The following LRRC4C variants were observed in gnomAD, a reference collection of about 807,000 sequenced individuals.
LRRC4C encodes the protein leucine rich repeat containing 4C.
In LRRC4C, 5 loss-of-function variants were observed where a neutral mutation model predicts 33.6. That is an observed-to-expected ratio of 0.15 (90% CI 0.08 to 0.31). The LOEUF (loss-of-function observed/expected upper bound fraction) is 0.31. Among genes scored for constraint, LRRC4C ranks in the 10% least tolerant of loss-of-function variants. The probability of loss-of-function intolerance (pLI) is 1.00; values close to 1 mark genes in which losing one functional copy is unlikely to be tolerated. For synonymous variants in LRRC4C, 329 were observed against 302.0 expected (o/e 1.09, Z -0.93); for missense variants, 560 against 796.7 (o/e 0.70, Z 3.58).
At chr11:40,127,818 G>A (rs969671495) in intron 6 of LRRC4C, among the ~76,000 whole-genome samples, 4 of 152,134 alleles carry the variant, frequency 2.6e-5, no homozygotes, top group African/African-American at 7.2e-5. Context: ...ATATGGTCAC[G>A]TTAGAAAATA....
chr11:41,096,504 A>G (rs750384389), intron 1 of LRRC4C, among the ~76,000 whole-genome samples: 3 of 152,182 alleles, frequency 2.0e-5, no homozygotes, highest in Non-Finnish European at 4.4e-5. Context: ...TCTGGGGATA[A>G]TTGTTGAGAT....
At chr11:40,335,381 G>A (rs1946551866) in intron 3 of LRRC4C, among the ~76,000 whole-genome samples, 1 of 152,162 alleles carries the variant, frequency 6.6e-6, no homozygotes, top group Non-Finnish European at 1.5e-5. Context: ...CTCTCTTATT[G>A]AGATGTAAGA....
chr11:41,384,042 G>T (rs1307514906), intron 1 of LRRC4C, among the ~76,000 whole-genome samples: 1 of 151,690 alleles, frequency 6.6e-6, no homozygotes, highest in African/African-American at 2.4e-5. Flanking sequence ...TGTTTTTGTT[G>T]GTGTTATTTA....
intron 2 of LRRC4C, among the ~76,000 whole-genome samples, chr11:40,814,674 G>A (rs987056401): frequency 6.6e-5 from 10 of 150,930 alleles, no homozygotes; most frequent in Admixed American, 2.7e-4. Context: ...GCTTCATCTC[G>A]AATGCTTTGC....
intron 1 of LRRC4C, among the ~76,000 whole-genome samples, chr11:41,383,929 G>C (rs958428330): frequency 6.6e-6 from 1 of 151,940 alleles, no homozygotes; most frequent in African/African-American, 2.4e-5. Context: ...AACAAAGCTT[G>C]TGAAATGTTT....
chr11:40,630,869 A>C (rs943668829), intron 3 of LRRC4C, among the ~76,000 whole-genome samples: 1 of 152,168 alleles, frequency 6.6e-6, no homozygotes, highest in Non-Finnish European at 1.5e-5. Context: ...TTATGATATG[A>C]AATGTACTTT....
chr11:40,519,186 A>G (rs1048985890), intron 3 of LRRC4C, among the ~76,000 whole-genome samples: 1 of 152,202 alleles, frequency 6.6e-6, no homozygotes, highest in Admixed American at 6.5e-5. Flanking sequence ...ATGTGTATAC[A>G]TATGTAACAA....
chr11:40,730,851 A>AT (rs2136780446), intron 2 of LRRC4C, among the ~76,000 whole-genome samples: 1 of 152,152 alleles, frequency 6.6e-6, no homozygotes, highest in South Asian at 2.1e-4. Flanking sequence ...TATCATGTTT[A>AT]TTTTTTACTT....
At position 40,383,737 on chromosome 11, in the gene LRRC4C, T is replaced by C. The variant is rs550102608; in HGVS notation, c.-269-64016A>G. 7.3e-3 allele frequency among the ~76,000 whole-genome samples: 1,115 copies of C among 151,826 alleles called. 13 individuals carry two copies. Among genetic ancestry groups the C allele is most frequent in the African/African-American group, 0.025 (1,055 of 41,432 alleles). Reference sequence around the variant, plus strand: ...CAAGATCTCACTTTGTCACCCAGGGTGCAGTGACACTATCATGGCTCACTG... The same window carrying C: ...CAAGATCTCACTTTGTCACCCAGGGCGCAGTGACACTATCATGGCTCACTG... On this transcript the variant is annotated intron_variant, in intron 3 of 6. Transcript: ENST00000528697.
At chr11:40,826,396 G>C (rs748232020) in intron 2 of LRRC4C, among the ~76,000 whole-genome samples, 13 of 151,910 alleles carry the variant, frequency 8.6e-5, no homozygotes, top group Non-Finnish European at 1.8e-4. Flanking sequence ...GAGTCCTGAT[G>C]AGCTGCAGCT....
chr11:40,702,484 C>A (rs985246176), intron 2 of LRRC4C, among the ~76,000 whole-genome samples: 4 of 151,986 alleles, frequency 2.6e-5, no homozygotes, highest in Non-Finnish European at 4.4e-5. Flanking sequence ...AAAATTGCTA[C>A]CATTTGCTTT....
intron 3 of LRRC4C, among the ~76,000 whole-genome samples, chr11:40,385,326 G>C (rs1949061487): frequency 6.6e-6 from 1 of 152,174 alleles, no homozygotes; most frequent in Non-Finnish European, 1.5e-5. Flanking sequence ...TTAAAATAGA[G>C]AAAACTTTTT....
At chr11:41,101,268 T>G (rs1453544984) in intron 1 of LRRC4C, among the ~76,000 whole-genome samples, 2 of 151,998 alleles carry the variant, frequency 1.3e-5, no homozygotes, top group Admixed American at 6.6e-5. Context: ...AGGTCTAATA[T>G]GTAGCAAAGT....
intron 3 of LRRC4C, among the ~76,000 whole-genome samples, chr11:40,329,645 A>G (rs1480935468): frequency 6.6e-6 from 1 of 152,168 alleles, no homozygotes; most frequent in Non-Finnish European, 1.5e-5. Context: ...AGTAGAATAG[A>G]CTGTCGTTGA....
In LRRC4C at chr11:41,208,591, G is replaced by T. The variant is rs973106810; in HGVS notation, c.-496+250840C>A. ...AAATACTTCCCACAGGGGCTATCAG[G>T]AGTAGAAACAATGCAACAGAATAAA... On this transcript the variant is annotated intron_variant, in intron 1 of 6. Transcript: ENST00000528697. Among the ~76,000 whole-genome samples, 5 of 152,180 alleles carry T rather than the reference G, an allele frequency of 3.3e-5. No homozygotes were observed. In the South Asian group the frequency reaches 1.0e-3, roughly 31 times the overall value.
At chr11:40,948,872 G>T (rs935056022) in intron 1 of LRRC4C, among the ~76,000 whole-genome samples, 1 of 151,832 alleles carries the variant, frequency 6.6e-6, no homozygotes, top group African/African-American at 2.4e-5. Flanking sequence ...TAGTCCTTTG[G>T]GTATATACCC....
At chr11:40,647,484 C>T (rs1240909924) in intron 3 of LRRC4C, among the ~76,000 whole-genome samples, 1 of 152,102 alleles carries the variant, frequency 6.6e-6, no homozygotes, top group African/African-American at 2.4e-5. Context: ...TTATTAACTA[C>T]AGAGGATGCC....
chr11:40,434,984 C>T (rs1951087854), intron 3 of LRRC4C, among the ~76,000 whole-genome samples: 1 of 151,992 alleles, frequency 6.6e-6, no homozygotes, highest in Admixed American at 6.6e-5. Flanking sequence ...CTGCAACATG[C>T]TGAAAAAAAA....
chr11:40,338,164 A>T (rs1299358663), intron 3 of LRRC4C, among the ~76,000 whole-genome samples: 1 of 152,190 alleles, frequency 6.6e-6, no homozygotes, highest in African/African-American at 2.4e-5. Context: ...TTTTCATATG[A>T]GGATGTGGCT....
Sources: allele counts gnomAD v4.1 joint callset (sites outside exome capture counted in the v4.1 genomes callset), GRCh38; gene constraint gnomAD v4.1.1; transcripts MANE v1.5; gene names NCBI Gene and HGNC (gene_info 2026-07-23, HGNC 2026-07-21).